CELF2: variants seen among roughly 807,000 people sequenced by gnomAD.
The protein encoded by CELF2 is CUG triplet repeat RNA-binding protein 2.
In CELF2, 8 loss-of-function variants were observed where a neutral mutation model predicts 62.6. The observed-to-expected ratio is 0.13, with a 90% CI of 0.07 to 0.23. The LOEUF is 0.23. Ranked by LOEUF, CELF2 falls within the 10% of genes least tolerant of loss-of-function variation. CELF2 has a pLI of 1.00. For synonymous variants in CELF2, 258 were observed against 250.0 expected, an observed-to-expected ratio of 1.03 and a Z score of -0.30; for missense variants, 333 against 671.0, an observed-to-expected ratio of 0.50 and a Z score of 5.56.
the CELF2 span, among the ~76,000 whole-genome samples, chr10:10,788,451 A>ATTTTTT: frequency 7.9e-6 from 1 of 126,354 alleles, no homozygotes; most frequent in African/African-American, 2.7e-5. Context: ...ATTTCTTTCC[A>ATTTTTT]TCTTTTTTTT....
chr10:10,761,668 C>T, the CELF2 span, among the ~76,000 whole-genome samples: 3 of 152,146 alleles, frequency 2.0e-5, no homozygotes, highest in South Asian at 4.1e-4. Context: ...CCTGCCTGAC[C>T]AATTGGGCTG....
the CELF2 span, among the ~76,000 whole-genome samples, chr10:10,694,097 T>C: frequency 6.6e-6 from 1 of 150,612 alleles, no homozygotes; most frequent in Non-Finnish European, 1.5e-5. Flanking sequence ...CTTTTAATTG[T>C]GATGTTAGGG....
At position 11,260,873 on chromosome 10, in the gene CELF2, C is replaced by T. The variant is rs189923112; in HGVS notation, c.538+3001C>T. On this transcript the variant is annotated intron_variant, in intron 5 of 12. Transcript: ENST00000633077. This position sits in a 1 kb window ranked among gnomAD's most constrained non-coding sequence, Gnocchi z 4.2. ...GTGTATTTGTTAAAAGCACAATTCTCTTTCATGCTACCATTTTGCTTTCAT... is the reference window on the plus strand; with the variant it reads ...GTGTATTTGTTAAAAGCACAATTCTTTTTCATGCTACCATTTTGCTTTCAT... 1.3e-5 allele frequency among the ~76,000 whole-genome samples: 2 copies of T among 152,292 alleles called. No individual in the cohort carries two copies. Among genetic ancestry groups the T allele is most frequent in the East Asian group, 1.9e-4 (1 of 5,188 alleles).
intron 2 of CELF2, among the ~76,000 whole-genome samples, chr10:10,944,952 G>C (rs1159444371): frequency 2.6e-5 from 4 of 152,104 alleles, no homozygotes; most frequent in African/African-American, 9.7e-5. Context: ...TGCATAGAAG[G>C]CATCAGGAGA....
chr10:10,966,351 G>A (rs980984502), intron 2 of CELF2, among the ~76,000 whole-genome samples: 10 of 152,166 alleles, frequency 6.6e-5, no homozygotes, highest in South Asian at 2.1e-4. Flanking sequence ...TGAAGAGCTC[G>A]GGGATAGCTG....
rs1337657994 is a variant in CELF2 at position 11,328,917 on chromosome 10, A to G, written c.1439-9A>G. 7 of 1,603,198 alleles carry G rather than the reference A, an allele frequency of 4.4e-6. No individual in the cohort carries two copies. The highest frequency in any genetic ancestry group is 2.3e-5 in the East Asian group (1 of 44,396). ...CTCCAGGCTGACTCCCTCTCTCGGT[A>G]TTTTCCAGGTTTTGTTAGCTACGAC... On this transcript the variant is annotated splice_polypyrimidine_tract_variant and intron_variant, in intron 12 of 12. Coordinates refer to ENST00000633077, the MANE Select transcript of CELF2 (RefSeq NM_001326342.2). The surrounding 1 kb of genome is among the most constrained non-coding windows in gnomAD (Gnocchi z 6.4).
At chr10:11,196,414 C>T (rs1419109538) in intron 2 of CELF2, among the ~76,000 whole-genome samples, 2 of 152,214 alleles carry the variant, frequency 1.3e-5, no homozygotes, top group African/African-American at 4.8e-5. Context: ...GTAATCCCAG[C>T]ACTTTGGGAG....
chr10:10,935,915 G>A (rs1328544819), intron 2 of CELF2, among the ~76,000 whole-genome samples: 5 of 151,876 alleles, frequency 3.3e-5, no homozygotes, highest in African/African-American at 4.8e-5. Flanking sequence ...ACTTTGGGAG[G>A]CCAAGGCAGG....
At chr10:11,025,781 A>G (rs987341814) in intron 1 of CELF2, among the ~76,000 whole-genome samples, 2 of 152,246 alleles carry the variant, frequency 1.3e-5, no homozygotes, top group Non-Finnish European at 2.9e-5. Flanking sequence ...AAAGTTTCAC[A>G]TTGTGACCAA....
chr10:10,732,881 A>C, the CELF2 span, among the ~76,000 whole-genome samples: 1 of 152,108 alleles, frequency 6.6e-6, no homozygotes, highest in African/African-American at 2.4e-5. Flanking sequence ...ACACACAAGG[A>C]GCCAGGTTTC....
intron 2 of CELF2, among the ~76,000 whole-genome samples, chr10:10,981,480 C>T (rs1001843969): frequency 7.9e-5 from 12 of 152,056 alleles, no homozygotes; most frequent in African/African-American, 2.4e-4. Context: ...TAAGTACTTC[C>T]TAGATTGTCT....
chr10:10,945,432 C>T (rs574025318), intron 2 of CELF2, among the ~76,000 whole-genome samples: 19 of 152,280 alleles, frequency 1.2e-4, no homozygotes, highest in East Asian at 9.7e-4. Context: ...GCCCCACCTG[C>T]GGCCTTCCAC....
the CELF2 span, among the ~76,000 whole-genome samples, chr10:10,578,797 C>A: frequency 6.6e-6 from 1 of 152,158 alleles, no homozygotes; most frequent in East Asian, 1.9e-4. Context: ...CCTCTCTAGG[C>A]ATTCACATCT....
chr10:10,792,973 C>T, the CELF2 span, among the ~76,000 whole-genome samples: 1 of 152,158 alleles, frequency 6.6e-6, no homozygotes, highest in African/African-American at 2.4e-5. Context: ...TCCTGTTCAG[C>T]TGACCAAGAT....
At chr10:10,699,976 ATATTTCAG>A in the CELF2 span, among the ~76,000 whole-genome samples, 1 of 152,172 alleles carries the variant, frequency 6.6e-6, no homozygotes, top group African/African-American at 2.4e-5. Flanking sequence ...TGAAATGCTG[ATATTTCAG>A]TATTTCCAGA....
At chr10:10,642,565 T>C in the CELF2 span, among the ~76,000 whole-genome samples, 1 of 152,156 alleles carries the variant, frequency 6.6e-6, no homozygotes. Context: ...AAACAGAAAA[T>C]CTCTAAGAAG....
chr10:10,592,743 T>A, the CELF2 span, among the ~76,000 whole-genome samples: 1 of 152,150 alleles, frequency 6.6e-6, no homozygotes. Context: ...CACATTTTAT[T>A]GGCTACTGCT....
the CELF2 span, among the ~76,000 whole-genome samples, chr10:10,571,912 G>T: frequency 1.3e-5 from 2 of 152,146 alleles, no homozygotes; most frequent in African/African-American, 4.8e-5. Context: ...AATAAATAAA[G>T]AGAGGGAGGA....
the CELF2 span, among the ~76,000 whole-genome samples, chr10:10,532,581 C>A: frequency 2.0e-5 from 3 of 152,238 alleles, no homozygotes; most frequent in Non-Finnish European, 2.9e-5. Flanking sequence ...AGCAGCAGAA[C>A]GTTAGTTAAA....
Sources: allele counts gnomAD v4.1 joint callset (sites outside exome capture counted in the v4.1 genomes callset), GRCh38; gene constraint gnomAD v4.1.1; non-coding constraint Gnocchi (gnomAD v3.1); transcripts MANE v1.5; gene names NCBI Gene and HGNC (gene_info 2026-07-23, HGNC 2026-07-21).